Variants in MMS19 observed in about 807,000 individuals in gnomAD.
The protein encoded by MMS19 is MMS19 cytosolic iron-sulfur assembly component, also known as MMS19 nucleotide excision repair protein homolog.
Under a neutral mutation model 129.8 loss-of-function variants are expected in MMS19, and 77 were observed. The observed-to-expected ratio is 0.59, with a 90% CI of 0.49 to 0.72. The LOEUF (loss-of-function observed/expected upper bound fraction) is 0.72, where lower values mean the gene tolerates loss of function less well. Ranked by LOEUF, MMS19 falls within the 30% of genes least tolerant of loss-of-function variation. The pLI is 0.00. For missense variants in MMS19, 1,168 were observed against 1,266.3 expected, an observed-to-expected ratio of 0.92 and a Z score of 1.18; for synonymous variants, 491 against 502.8, an observed-to-expected ratio of 0.98 and a Z score of 0.31.
chr10:97,491,003 C>A (rs1035632515), intron 1 of MMS19, among the ~76,000 whole-genome samples: 4 of 152,208 alleles, frequency 2.6e-5, no homozygotes, highest in African/African-American at 7.2e-5. Context: ...GCAACACTTA[C>A]ATGAACTGAA....
chr10:97,478,039 T>C (rs1007391958), intron 4 of MMS19, 110 bp from the exon 5 acceptor site: 12 of 726,930 alleles, frequency 1.7e-5, no homozygotes, highest in Non-Finnish European at 2.5e-5. Context: ...AGCATCCTGG[T>C]TGAGGAAGAA....
chr10:97,460,598 A>G, intron 25 of MMS19, 97 bp downstream of exon 25: 1 of 1,065,482 alleles, frequency 9.4e-7, no homozygotes, highest in Non-Finnish European at 1.4e-6. Context: ...AAGAAAACAA[A>G]AAACACACAG....
chr10:97,495,732 A>G (rs2039661913), intron 1 of MMS19, among the ~76,000 whole-genome samples: 1 of 152,206 alleles, frequency 6.6e-6, no homozygotes, highest in South Asian at 2.1e-4. Flanking sequence ...ATCCAACCCT[A>G]CCAAACCTTT....
chr10:97,462,045 C>T lies in MMS19; in HGVS notation c.2087G>A (p.Ser696Asn). Residue 696 changes from serine to asparagine, a missense_variant, in exon 21 of 31, where the codon AGC becomes AAC. Ser to Asn is a conservative substitution (Grantham distance 46, BLOSUM62 1). Coordinates refer to ENST00000438925, the MANE Select transcript of MMS19 (RefSeq NM_022362.5). The stretch of plus-strand genomic sequence containing the variant: ...GAATGGCTGGAATCTGCTCGGGAAG[C>T]TGTTTTCAGGCAGAAAGGACACGTT... ...DGNVSFLPEN[S>N]FPSRFQPFQD... 6.3e-7 allele frequency: 1 copy of T among 1,593,622 alleles called. No individual in the cohort carries two copies. Among genetic ancestry groups the T allele is most frequent in the Non-Finnish European group, 8.5e-7 (1 of 1,169,994 alleles).
Position 97,469,049 on chromosome 10 carries a change from G to T in MMS19, c.980C>A (p.Ser327Tyr). 1 of 1,584,456 alleles carries T rather than the reference G, an allele frequency of 6.3e-7. No individual in the cohort carries two copies. Residue 327 changes from serine (S) to tyrosine (Y), a missense_variant, in exon 12 of 31, where the codon TCC becomes TAC. By Grantham distance (144) the Ser-to-Tyr change is moderately radical. Coordinates refer to ENST00000438925, the MANE Select transcript of MMS19 (RefSeq NM_022362.5). ...AGAGCGAGACAAACACGCAGTCAGGGAGTGGAGGGCCGCCAGGCCCTCTGC... is the reference window on the plus strand; with the variant it reads ...AGAGCGAGACAAACACGCAGTCAGGTAGTGGAGGGCCGCCAGGCCCTCTGC... ...VEAEGLAALHSLTACLSRSVL... is the reference protein window; with the variant it reads ...VEAEGLAALHYLTACLSRSVL...
intron 1 of MMS19, 54 bp downstream of exon 1, chr10:97,498,219 C>A: frequency 6.7e-7 from 1 of 1,490,254 alleles, no homozygotes; most frequent in East Asian, 2.5e-5. Flanking sequence ...TGTACTGAGG[C>A]CGCTCCCTCC....
intron 1 of MMS19, among the ~76,000 whole-genome samples, chr10:97,489,387 A>G (rs1589789169): frequency 1.3e-5 from 2 of 152,222 alleles, no homozygotes; most frequent in East Asian, 3.8e-4. Flanking sequence ...GAGGTAGACT[A>G]TTGTTTTAAA....
At position 97,459,232 on chromosome 10, in the gene MMS19, G is replaced by A; in HGVS notation, c.2955C>T (p.Pro985=). The part of the protein sequence containing the change: ...LQCMHALTRL[P]TPVLLPYKPQ... Reference sequence around the variant, plus strand: ...CACCTGAGGTACTTACCACAGGGGTGGGCAGGCGAGTGAGAGCATGCATGC... The same window carrying A: ...CACCTGAGGTACTTACCACAGGGGTAGGCAGGCGAGTGAGAGCATGCATGC... The change falls in exon 29 of 31, where the codon CCC becomes CCT. Residue 985 remains proline, a synonymous_variant. Coordinates refer to ENST00000438925, the MANE Select transcript of MMS19 (RefSeq NM_022362.5). 3.7e-6 allele frequency: 6 copies of A among 1,611,952 alleles called. No individual in the cohort carries two copies. The highest frequency in any genetic ancestry group is 2.2e-5 in the East Asian group (1 of 44,814).
chr10:97,467,109 G>A (rs1441012811), intron 14 of MMS19, among the ~76,000 whole-genome samples: 1 of 152,170 alleles, frequency 6.6e-6, no homozygotes, highest in Non-Finnish European at 1.5e-5. Flanking sequence ...CTCCCGAGTA[G>A]CTGGAATTAC....
In MMS19 at chr10:97,462,029, GA is replaced by G; in HGVS notation, c.2102del (p.Phe701SerfsTer14). The G allele has an allele frequency of 6.3e-7, 1 of 1,590,790 alleles. No homozygotes were observed. The highest frequency in any genetic ancestry group is 8.6e-7 in the Non-Finnish European group (1 of 1,168,404). ...CTAAGACTGTTACCTGGAATGGCTG[GA>G]ATCTGCTCGGGAAGCTGTTTTCAGG... ...FLPENSFPSR[F>X]QPFQDGSSGQ... On this transcript the variant is annotated frameshift_variant, in exon 21 of 31. Transcript: ENST00000438925. LOFTEE classifies it high-confidence loss of function.
intron 23 of MMS19, 136 bp from the exon 24 acceptor site, chr10:97,461,143 ATGAT>A (rs1237276904): frequency 8.4e-6 from 6 of 711,094 alleles, no homozygotes; most frequent in Non-Finnish European, 1.4e-5. Flanking sequence ...TGTGGACAAA[ATGAT>A]TGGACACCTG....
intron 25 of MMS19, chr10:97,460,436 T>TG: frequency 1.6e-6 from 1 of 621,752 alleles, no homozygotes; most frequent in South Asian, 2.0e-5. Context: ...TTGGGTGTGG[T>TG]GGGGTGCCCC....
At chr10:97,488,592 T>C (rs1348820336) in intron 1 of MMS19, among the ~76,000 whole-genome samples, 1 of 152,250 alleles carries the variant, frequency 6.6e-6, no homozygotes, top group Non-Finnish European at 1.5e-5. Context: ...CTTTAAATCA[T>C]CTCTAGATTA....
intron 8 of MMS19, among the ~76,000 whole-genome samples, chr10:97,474,817 G>C (rs1428577085): frequency 2.0e-5 from 3 of 152,144 alleles, no homozygotes; most frequent in Non-Finnish European, 2.9e-5. Flanking sequence ...AACAGTGATT[G>C]TTTCTAATGG....
In MMS19 at chr10:97,467,542, G is replaced by C. The variant is rs766764376; in HGVS notation, c.1260C>G (p.Phe420Leu). ...AGCTCCATTTCTGCTGCAGCTTCAA[G>C]AAACCCAGGAGCATTTCAAGGATTG... ...RRTILEMLLGFLKLQQKWSYE... is the reference protein window; with the variant it reads ...RRTILEMLLGLLKLQQKWSYE... The change falls in exon 14 of 31, where the codon TTC (phenylalanine) becomes TTG (leucine). Residue 420 changes from phenylalanine (F) to leucine (L), a missense_variant. This residue lies in a region of MMS19 where 831 missense variants were observed against 910.8 expected (regional missense o/e 0.91). Transcript: ENST00000438925. 3.7e-5 allele frequency: 60 copies of C among 1,613,994 alleles called. No individual in the cohort carries two copies. Among genetic ancestry groups the C allele is most frequent in the Middle Eastern group, 3.3e-4 (2 of 6,058 alleles).
At chr10:97,470,078 C>G (rs2034367252) in intron 10 of MMS19, 51 bp downstream of exon 10, 2 of 1,216,036 alleles carry the variant, frequency 1.6e-6, no homozygotes, top group Admixed American at 3.9e-5. Context: ...CCTTTAGGAC[C>G]CCTAACTTGT....
chr10:97,475,947 G>C (rs2035680174), intron 8 of MMS19, among the ~76,000 whole-genome samples: 1 of 152,204 alleles, frequency 6.6e-6, no homozygotes, highest in Admixed American at 6.5e-5. Context: ...ACTGAAATAA[G>C]CTGGTAAGAA....
chr10:97,482,733 T>C (rs1333548493), intron 2 of MMS19, among the ~76,000 whole-genome samples: 23 of 114,334 alleles, frequency 2.0e-4, no homozygotes, highest in African/African-American at 7.0e-4. Flanking sequence ...TGTGTGTATA[T>C]ATATACACAC....
chr10:97,473,349 C>G (rs2035130836), intron 8 of MMS19, among the ~76,000 whole-genome samples: 1 of 152,000 alleles, frequency 6.6e-6, no homozygotes, highest in Non-Finnish European at 1.5e-5. Context: ...AATTTCTATT[C>G]TTGAATTACA....
Sources: gnomAD v4.1 joint callset for allele counts (sites outside exome capture counted in the v4.1 genomes callset) on GRCh38, gnomAD v4.1.1 for gene constraint, gnomAD v4.1.1 regional missense constraint, MANE v1.5 for transcripts, NCBI Gene and HGNC (gene_info 2026-07-23, HGNC 2026-07-21) for gene names.